The following SLCO3A1 variants were observed in gnomAD, a reference collection of about 807,000 sequenced individuals.
The protein encoded by SLCO3A1 is PGE1 transporter.
Under a neutral mutation model 63.1 loss-of-function variants are expected in SLCO3A1, and 27 were observed. The ratio of observed to expected loss-of-function variants is 0.43; its 90% CI spans 0.32 to 0.59. The LOEUF (loss-of-function observed/expected upper bound fraction) is 0.59, where lower values mean the gene tolerates loss of function less well. Among genes scored for constraint, SLCO3A1 ranks in the 20% least tolerant of loss-of-function variants. SLCO3A1 has a pLI of 0.09. For missense variants in SLCO3A1, 773 were observed against 945.8 expected, an observed-to-expected ratio of 0.82 and a Z score of 2.40; for synonymous variants, 473 against 409.9, an observed-to-expected ratio of 1.15 and a Z score of -1.86.
intron 9 of SLCO3A1, among the ~76,000 whole-genome samples, chr15:92,161,018 G>A (rs907777462): frequency 1.3e-5 from 2 of 152,032 alleles, no homozygotes; most frequent in African/African-American, 4.8e-5. Flanking sequence ...ATCTCAGAGG[G>A]ACCTTCCTTA....
chr15:92,160,550 G>T (rs2048423174), intron 9 of SLCO3A1, among the ~76,000 whole-genome samples: 1 of 152,158 alleles, frequency 6.6e-6, no homozygotes, highest in South Asian at 2.1e-4. Flanking sequence ...GAAGGAAACA[G>T]GTTGTGTGGG....
intron 2 of SLCO3A1, among the ~76,000 whole-genome samples, chr15:91,937,858 C>T (rs1899471004): frequency 6.6e-6 from 1 of 152,096 alleles, no homozygotes; most frequent in Admixed American, 6.5e-5. Flanking sequence ...AACTTTATTG[C>T]TTCCTAGTTA....
chr15:92,090,444 C>T (rs2047457841), intron 2 of SLCO3A1, among the ~76,000 whole-genome samples: 1 of 152,224 alleles, frequency 6.6e-6, no homozygotes. Flanking sequence ...AGAGCCAGAT[C>T]ACCATGCAGG....
chr15:92,116,813 G>A (rs982972967), intron 4 of SLCO3A1, among the ~76,000 whole-genome samples: 1 of 152,158 alleles, frequency 6.6e-6, no homozygotes, highest in Non-Finnish European at 1.5e-5. Context: ...TAAAACTGGG[G>A]ATGGGAGGAA....
intron 2 of SLCO3A1, among the ~76,000 whole-genome samples, chr15:91,992,193 A>C (rs76715769): frequency 6.6e-6 from 1 of 152,214 alleles, no homozygotes; most frequent in Non-Finnish European, 1.5e-5. Context: ...TGTTTTGTCT[A>C]TAAGCATTTA....
chr15:91,901,924 C>T (rs1898167734), intron 1 of SLCO3A1, among the ~76,000 whole-genome samples: 1 of 151,174 alleles, frequency 6.6e-6, no homozygotes, highest in South Asian at 2.1e-4. Context: ...CTGCCTCTTT[C>T]TCTTTTTTCT....
chr15:92,111,515 G>C (rs1030375625), intron 4 of SLCO3A1, among the ~76,000 whole-genome samples: 1 of 152,162 alleles, frequency 6.6e-6, no homozygotes, highest in Non-Finnish European at 1.5e-5. Context: ...TTGGAATCCT[G>C]TGCCAGGCTG....
chr15:92,032,424 CTAAGTGTATAGGG>C (rs1409353524), intron 2 of SLCO3A1, among the ~76,000 whole-genome samples: 2 of 152,006 alleles, frequency 1.3e-5, no homozygotes, highest in African/African-American at 4.8e-5. Context: ...GTCTGAGAGG[CTAAGTGTATAGGG>C]TAATTCCCAG....
chr15:91,934,689 A>G (rs6496877), intron 2 of SLCO3A1, among the ~76,000 whole-genome samples: 113,339 of 152,138 alleles, frequency 0.74, 42,539 homozygotes, highest in East Asian at 0.97. Context: ...GGACCATTTT[A>G]GAATTAGCTA....
intron 2 of SLCO3A1, among the ~76,000 whole-genome samples, chr15:91,979,175 G>A (rs60984772): frequency 0.026 from 3,992 of 152,204 alleles, 189 homozygotes; most frequent in African/African-American, 0.09. Context: ...AAAAAGCTTG[G>A]GACCAGAAGT....
intron 3 of SLCO3A1, among the ~76,000 whole-genome samples, chr15:92,101,620 C>A (rs887058161): frequency 6.6e-5 from 10 of 152,230 alleles, no homozygotes; most frequent in African/African-American, 2.4e-4. Flanking sequence ...AAAGCCTCCC[C>A]CGCCCTCAGG....
intron 1 of SLCO3A1, among the ~76,000 whole-genome samples, chr15:91,889,857 T>C (rs1897827863): frequency 6.6e-6 from 1 of 151,008 alleles, no homozygotes; most frequent in African/African-American, 2.5e-5. Flanking sequence ...AGCGATTTTC[T>C]GTTACATTTA....
chr15:92,036,390 G>C (rs952648205), intron 2 of SLCO3A1, among the ~76,000 whole-genome samples: 2 of 122,388 alleles, frequency 1.6e-5, no homozygotes, highest in South Asian at 2.6e-4. Context: ...ATCTGTGTTT[G>C]AGTTTTTCTT....
intron 2 of SLCO3A1, among the ~76,000 whole-genome samples, chr15:92,053,042 C>T (rs2046976474): frequency 6.6e-6 from 1 of 152,162 alleles, no homozygotes; most frequent in Admixed American, 6.5e-5. Flanking sequence ...TCTAACAGCC[C>T]TTCAGATGTT....
intron 2 of SLCO3A1, among the ~76,000 whole-genome samples, chr15:91,961,038 C>T (rs1453902395): frequency 1.3e-5 from 2 of 152,190 alleles, no homozygotes; most frequent in African/African-American, 4.8e-5. Flanking sequence ...GCTCTCAGGA[C>T]GTTACTCTCT....
chr15:91,983,519 G>A lies in SLCO3A1; in HGVS notation c.646+67061G>A, dbSNP rs80002858. Among the ~76,000 whole-genome samples, 1,221 of 152,164 alleles carry A rather than the reference G, an allele frequency of 8.0e-3. 21 individuals are homozygous for A. Among genetic ancestry groups the A allele is most frequent in the African/African-American group, 0.028 (1,161 of 41,506 alleles). On this transcript the variant is annotated intron_variant, in intron 2 of 9. Coordinates refer to ENST00000318445, the MANE Select transcript of SLCO3A1 (RefSeq NM_013272.4). ...AACTTAATCTTTAATTGACTGTCCC[G>A]GACAGATTGAGAACTGAAATCCATC...
intron 1 of SLCO3A1, among the ~76,000 whole-genome samples, chr15:91,890,176 A>G (rs1897835398): frequency 6.6e-6 from 1 of 152,202 alleles, no homozygotes; most frequent in African/African-American, 2.4e-5. Context: ...TTATTGAAAA[A>G]ATTAAGCATA....
chr15:92,052,849 AG>A (rs2046973899), intron 2 of SLCO3A1, among the ~76,000 whole-genome samples: 2 of 152,156 alleles, frequency 1.3e-5, no homozygotes, highest in African/African-American at 4.8e-5. Flanking sequence ...ACAGGTTGAA[AG>A]GATAATATTT....
At chr15:91,873,695 A>G (rs1411301886) in intron 1 of SLCO3A1, among the ~76,000 whole-genome samples, 1 of 152,178 alleles carries the variant, frequency 6.6e-6, no homozygotes, top group Non-Finnish European at 1.5e-5. Context: ...CTGCAACCCT[A>G]CTATCACTCC....
Sources: allele counts gnomAD v4.1 joint callset (sites outside exome capture counted in the v4.1 genomes callset), GRCh38; gene constraint gnomAD v4.1.1; transcripts MANE v1.5; gene names NCBI Gene and HGNC (gene_info 2026-07-23, HGNC 2026-07-21).